FAM81B: variants seen among roughly 807,000 people sequenced by gnomAD.
FAM81B encodes the protein protein FAM81B.
A neutral mutation model predicts 58.7 loss-of-function variants in FAM81B; 60 were observed. The ratio of observed to expected loss-of-function variants is 1.02; its 90% CI spans 0.83 to 1.27. FAM81B has a LOEUF of 1.27. Among genes scored for constraint, FAM81B ranks in the 50% most tolerant of loss-of-function variants. The probability of loss-of-function intolerance (pLI) is 0.00; values close to 1 mark genes in which losing one functional copy is unlikely to be tolerated. For synonymous variants in FAM81B, 189 were observed against 179.6 expected (o/e 1.05, Z -0.42); for missense variants, 491 against 522.0 (o/e 0.94, Z 0.58).
At chr5:95,443,933 G>A (rs937274981) in intron 7 of FAM81B, among the ~76,000 whole-genome samples, 2 of 152,120 alleles carry the variant, frequency 1.3e-5, no homozygotes, top group African/African-American at 4.8e-5. Flanking sequence ...TTGTATCAGT[G>A]ATAAAAGAGT....
chr5:95,405,741 GT>G (rs1762227302), intron 3 of FAM81B, among the ~76,000 whole-genome samples: 2 of 152,184 alleles, frequency 1.3e-5, no homozygotes, highest in Non-Finnish European at 2.9e-5. Context: ...GCTCCAGTGA[GT>G]CCAGGGGTGG....
intron 7 of FAM81B, among the ~76,000 whole-genome samples, chr5:95,443,113 G>A (rs564526605): frequency 2.0e-5 from 3 of 152,194 alleles, no homozygotes; most frequent in Admixed American, 2.0e-4. Flanking sequence ...GGACATAAGT[G>A]TAGTGGCAAA....
chr5:95,392,345 G>T (rs1761846349), intron 1 of FAM81B, among the ~76,000 whole-genome samples: 1 of 152,110 alleles, frequency 6.6e-6, no homozygotes, highest in African/African-American at 2.4e-5. Context: ...ACACACTGGG[G>T]CCTGTTGGGG....
At chr5:95,438,313 C>T (rs1251765343) in intron 7 of FAM81B, among the ~76,000 whole-genome samples, 4 of 151,818 alleles carry the variant, frequency 2.6e-5, no homozygotes, top group Admixed American at 6.6e-5. Context: ...AGAAAACTGT[C>T]CAAAGGAAAA....
chr5:95,403,856 C>T (rs928857847), intron 3 of FAM81B, among the ~76,000 whole-genome samples: 3 of 152,158 alleles, frequency 2.0e-5, no homozygotes, highest in African/African-American at 7.2e-5. Context: ...TAACCAATTG[C>T]ATCTCAACCC....
intron 7 of FAM81B, among the ~76,000 whole-genome samples, chr5:95,441,797 C>T (rs1745366405): frequency 6.6e-6 from 1 of 152,150 alleles, no homozygotes; most frequent in Admixed American, 6.5e-5. Context: ...CTCCACTGTG[C>T]CTCCTCCTCA....
chr5:95,391,607 T>C, intron 1 of FAM81B, 94 bp downstream of exon 1: 1 of 1,374,112 alleles, frequency 7.3e-7, no homozygotes, highest in Non-Finnish European at 9.8e-7. Context: ...TGAATCCCAA[T>C]GAAGACCCTC....
intron 7 of FAM81B, among the ~76,000 whole-genome samples, chr5:95,438,136 G>A (rs1453035758): frequency 6.6e-6 from 1 of 152,186 alleles, no homozygotes; most frequent in Non-Finnish European, 1.5e-5. Flanking sequence ...ACAAGTTGAT[G>A]TAAAACAATT....
chr5:95,425,839 ATATC>A (rs139475060), intron 5 of FAM81B, among the ~76,000 whole-genome samples: 2,253 of 152,024 alleles, frequency 0.015, 45 homozygotes, highest in African/African-American at 0.052. Flanking sequence ...TCAACAGATA[ATATC>A]TAAAGTTGGT....
At chr5:95,427,893 T>C (rs1008962394) in intron 5 of FAM81B, among the ~76,000 whole-genome samples, 1 of 152,176 alleles carries the variant, frequency 6.6e-6, no homozygotes, top group African/African-American at 2.4e-5. Flanking sequence ...TGTGTTATCT[T>C]TCCTAACATA....
At chr5:95,422,367 T>A (rs1418702628) in intron 5 of FAM81B, among the ~76,000 whole-genome samples, 2 of 151,570 alleles carry the variant, frequency 1.3e-5, no homozygotes, top group African/African-American at 4.8e-5. Flanking sequence ...ACCAAAGAAG[T>A]TTTATAACAT....
At position 95,446,589 on chromosome 5, in the gene FAM81B, C is replaced by G; in HGVS notation, c.921C>G (p.Tyr307Ter). ...TTCATTCACTTTCAAGTAATCTGTACGAAGAAGTTGAGAATAATAAAAAAT... is the reference window on the plus strand; with the variant it reads ...TTCATTCACTTTCAAGTAATCTGTAGGAAGAAGTTGAGAATAATAAAAAAT... ...FKFHSLSSNL[Y>*]EEVENNKKWT... Residue 307 changes from tyrosine to a stop codon, truncating the protein, a stop_gained, in exon 8 of 10, where the codon TAC (tyrosine) becomes TAG (stop). Coordinates refer to ENST00000283357, the MANE Select transcript of FAM81B (RefSeq NM_152548.3). LOFTEE classifies it high-confidence loss of function. 6.2e-7 allele frequency: 1 copy of G among 1,609,292 alleles called. No homozygotes were observed. Among genetic ancestry groups the G allele is most frequent in the Non-Finnish European group, 8.5e-7 (1 of 1,177,796 alleles).
chr5:95,431,116 G>A (rs1197429001), intron 6 of FAM81B, among the ~76,000 whole-genome samples: 1 of 152,050 alleles, frequency 6.6e-6, no homozygotes, highest in Non-Finnish European at 1.5e-5. Flanking sequence ...AATTGCAAAT[G>A]CATTTCCCCA....
intron 3 of FAM81B, among the ~76,000 whole-genome samples, chr5:95,400,156 C>T (rs79282551): frequency 6.6e-6 from 1 of 152,198 alleles, no homozygotes; most frequent in African/African-American, 2.4e-5. Context: ...CCACAAACTG[C>T]GTGGCTTTAA....
chr5:95,412,647 A>G (rs1582797532), intron 3 of FAM81B, among the ~76,000 whole-genome samples: 1 of 152,186 alleles, frequency 6.6e-6, no homozygotes, highest in Admixed American at 6.5e-5. Context: ...AGAAGCCTTG[A>G]AGGGACTTAA....
chr5:95,440,617 A>T (rs1198097852), intron 7 of FAM81B: 41 of 754,814 alleles, frequency 5.4e-5, no homozygotes, highest in Non-Finnish European at 8.2e-5. Context: ...AAAATTAATG[A>T]AGCCATAGTA....
In FAM81B at chr5:95,430,220, G is replaced by A. The variant is rs182716539; in HGVS notation, c.786+1488G>A. On this transcript the variant is annotated intron_variant, in intron 6 of 9. Coordinates refer to ENST00000283357, the MANE Select transcript of FAM81B (RefSeq NM_152548.3). ...AACTACATAAGAAAATATAGCCAGA[G>A]AATTTTCATTCCCACCCCTTAACCA... Among the ~76,000 whole-genome samples the A allele has an allele frequency of 3.0e-3, 456 of 152,020 alleles. 3 individuals carry two copies. Among genetic ancestry groups the A allele is most frequent in the Non-Finnish European group, 3.7e-3 (248 of 67,902 alleles).
chr5:95,426,420 G>C (rs1762831648), intron 5 of FAM81B, among the ~76,000 whole-genome samples: 1 of 152,084 alleles, frequency 6.6e-6, no homozygotes, highest in South Asian at 2.1e-4. Context: ...GTGGTTAGGG[G>C]AGGTGAAAAT....
In FAM81B at chr5:95,429,134, C is replaced by T. The variant is rs75654991; in HGVS notation, c.786+402C>T. 7.9e-3 allele frequency among the ~76,000 whole-genome samples: 1,206 copies of T among 152,184 alleles called. 14 individuals are homozygous for T. Among genetic ancestry groups the T allele is most frequent in the African/African-American group, 0.027 (1,136 of 41,520 alleles). On this transcript the variant is annotated intron_variant, in intron 6 of 9. Transcript: ENST00000283357. The stretch of plus-strand genomic sequence containing the variant: ...GTTCATGTTACATCCCACTTAAAGC[C>T]CTGCAATGGGTTGTATCTCTTACAA...
Sources: allele counts gnomAD v4.1 joint callset (sites outside exome capture counted in the v4.1 genomes callset), GRCh38; gene constraint gnomAD v4.1.1; transcripts MANE v1.5; gene names NCBI Gene and HGNC (gene_info 2026-07-23, HGNC 2026-07-21).